PDE4D: variants seen among roughly 807,000 people sequenced by gnomAD.
PDE4D encodes the protein 3',5'-cyclic-AMP phosphodiesterase 4D.
A neutral mutation model predicts 87.4 loss-of-function variants in PDE4D; 24 were observed. The observed-to-expected ratio is 0.27, with a 90% CI of 0.20 to 0.39. The LOEUF is 0.39. Among genes scored for constraint, PDE4D ranks in the 10% least tolerant of loss-of-function variants. PDE4D has a pLI of 1.00. For synonymous variants in PDE4D, 384 were observed against 383.2 expected, an observed-to-expected ratio of 1.00 and a Z score of -0.02; for missense variants, 714 against 1,041.0, an observed-to-expected ratio of 0.69 and a Z score of 4.32.
intron 1 of PDE4D, chr5:59,592,105 C>T (rs1826000047): frequency 1.0e-6 from 1 of 984,462 alleles, no homozygotes; most frequent in Non-Finnish European, 1.2e-6. Flanking sequence ...AAGAAAAGAA[C>T]ATTCAAGACC....
intron 1 of PDE4D, among the ~76,000 whole-genome samples, chr5:59,622,675 C>G (rs960267399): frequency 6.6e-6 from 1 of 152,162 alleles, no homozygotes; most frequent in Non-Finnish European, 1.5e-5. Flanking sequence ...GTTGCCAAAG[C>G]GCATCAGCAC....
At chr5:60,064,670 T>G (rs77553186) in intron 2 of PDE4D, among the ~76,000 whole-genome samples, 1 of 152,144 alleles carries the variant, frequency 6.6e-6, no homozygotes, top group African/African-American at 2.4e-5. Context: ...AGATGCGGTC[T>G]CCTAAACAAG....
rs576595043 is a variant in PDE4D, at chr5:60,263,097, T to C, written c.-89-77410A>G. On this transcript the variant is annotated intron_variant, in intron 1 of 16. Transcript: ENST00000502484. The stretch of plus-strand genomic sequence containing the variant: ...GGTTGCTGAAGTGGGTTTGGTCCTA[T>C]AAACCTCTGTGCTAACGCCCACCTG... Among the ~76,000 whole-genome samples the C allele has an allele frequency of 2.0e-5, 3 of 152,250 alleles. No homozygotes were observed. The South Asian group carries it at 6.2e-4, about 32-fold the overall frequency.
chr5:59,596,443 T>G (rs1330461601), intron 1 of PDE4D, among the ~76,000 whole-genome samples: 1 of 151,936 alleles, frequency 6.6e-6, no homozygotes, highest in Non-Finnish European at 1.5e-5. Flanking sequence ...AAGTTATTTT[T>G]GAAATAGATG....
intron 2 of PDE4D, among the ~76,000 whole-genome samples, chr5:60,151,058 C>T (rs1159954651): frequency 6.6e-6 from 1 of 152,156 alleles, no homozygotes; most frequent in African/African-American, 2.4e-5. Context: ...AAGCCACAAG[C>T]TGAATTATGG....
intron 2 of PDE4D, chr5:59,215,331 A>G (rs2153505871): frequency 5.5e-6 from 1 of 180,462 alleles, no homozygotes; most frequent in Non-Finnish European, 1.2e-5. Context: ...ACATCTGTAC[A>G]TACATTAATT....
intron 5 of PDE4D, among the ~76,000 whole-genome samples, chr5:59,130,502 G>T (rs1776114610): frequency 6.6e-6 from 1 of 152,148 alleles, no homozygotes; most frequent in Non-Finnish European, 1.5e-5. Context: ...CTCCTTTGCA[G>T]GAATCCATAA....
chr5:59,031,382 T>C (rs1413149959), intron 6 of PDE4D, among the ~76,000 whole-genome samples: 2 of 38,508 alleles, frequency 5.2e-5, no homozygotes, highest in Non-Finnish European at 8.9e-5. Context: ...TATATATATA[T>C]ATATATATAT....
At chr5:59,205,601 C>G (rs542477107) in intron 2 of PDE4D, among the ~76,000 whole-genome samples, 1 of 150,230 alleles carries the variant, frequency 6.7e-6, no homozygotes, top group South Asian at 2.1e-4. Context: ...ATTTCTGCAA[C>G]AGAATATTCT....
At chr5:59,675,613 A>G (rs1030553852) in intron 1 of PDE4D, among the ~76,000 whole-genome samples, 2 of 152,224 alleles carry the variant, frequency 1.3e-5, no homozygotes, top group Non-Finnish European at 2.9e-5. Flanking sequence ...TCTTGGACCC[A>G]AAGTTCTAAT....
intron 1 of PDE4D, among the ~76,000 whole-genome samples, chr5:59,268,636 A>G (rs1353003951): frequency 6.6e-6 from 1 of 152,084 alleles, no homozygotes; most frequent in Non-Finnish European, 1.5e-5. Flanking sequence ...GGCTTCCAAG[A>G]AAATCTATAT....
intron 1 of PDE4D, among the ~76,000 whole-genome samples, chr5:60,299,148 T>A (rs1002776355): frequency 1.4e-4 from 22 of 152,214 alleles, no homozygotes; most frequent in Non-Finnish European, 2.5e-4. Flanking sequence ...ATAGGAATTT[T>A]AGGTTCAAAA....
intron 1 of PDE4D, among the ~76,000 whole-genome samples, chr5:59,477,872 C>A (rs2153654825): frequency 6.6e-6 from 1 of 152,098 alleles, no homozygotes; most frequent in Non-Finnish European, 1.5e-5. Flanking sequence ...TAAAAAAGAG[C>A]AAAATCATGT....
At chr5:59,438,146 T>G (rs1328071683) in intron 1 of PDE4D, among the ~76,000 whole-genome samples, 1 of 152,146 alleles carries the variant, frequency 6.6e-6, no homozygotes, top group African/African-American at 2.4e-5. Flanking sequence ...ATTGGAACTA[T>G]AGGAATTATA....
At chr5:60,102,436 G>T (rs1440019393) in intron 2 of PDE4D, among the ~76,000 whole-genome samples, 6 of 151,996 alleles carry the variant, frequency 3.9e-5, no homozygotes, top group African/African-American at 1.4e-4. Flanking sequence ...TATGAGTTGG[G>T]GAGAGTAGGG....
intron 1 of PDE4D, among the ~76,000 whole-genome samples, chr5:59,264,311 CTT>C (rs1762502097): frequency 6.6e-6 from 1 of 152,094 alleles, no homozygotes; most frequent in East Asian, 1.9e-4. Flanking sequence ...GACTAGCTAT[CTT>C]GGTTTTAAAC....
intron 1 of PDE4D, among the ~76,000 whole-genome samples, chr5:60,510,395 G>A (rs1434879174): frequency 1.3e-5 from 2 of 151,904 alleles, no homozygotes; most frequent in African/African-American, 2.4e-5. Context: ...ACACTACAAC[G>A]CCCACCTCTT....
At chr5:58,986,541 G>A (rs1161558863) in intron 11 of PDE4D, among the ~76,000 whole-genome samples, 1 of 152,190 alleles carries the variant, frequency 6.6e-6, no homozygotes, top group Non-Finnish European at 1.5e-5. Flanking sequence ...CAGATCAGCA[G>A]GGACATTAGA....
intron 1 of PDE4D, among the ~76,000 whole-genome samples, chr5:60,307,474 G>C (rs1754607931): frequency 6.6e-6 from 1 of 152,112 alleles, no homozygotes; most frequent in Admixed American, 6.5e-5. Context: ...AGGCTATTAA[G>C]AAAATTGACT....
Sources: allele counts gnomAD v4.1 joint callset (sites outside exome capture counted in the v4.1 genomes callset), GRCh38; gene constraint gnomAD v4.1.1; transcripts MANE v1.5; gene names NCBI Gene and HGNC (gene_info 2026-07-23, HGNC 2026-07-21).